INPP5D: variants seen among roughly 807,000 people sequenced by gnomAD.
INPP5D encodes phosphatidylinositol 3,4,5-trisphosphate 5-phosphatase 1.
Under a neutral mutation model 122.9 loss-of-function variants are expected in INPP5D, and 33 were observed. The observed-to-expected ratio is 0.27, with a 90% CI of 0.20 to 0.36. The LOEUF is 0.36. INPP5D is among the 10% of genes least tolerant of loss of function. The probability of loss-of-function intolerance (pLI) is 1.00; values close to 1 mark genes in which losing one functional copy is unlikely to be tolerated. For missense variants in INPP5D, 1,053 were observed against 1,412.7 expected, an observed-to-expected ratio of 0.75 and a Z score of 4.08; for synonymous variants, 584 against 576.2, an observed-to-expected ratio of 1.01 and a Z score of -0.19.
chr2:233,167,619 C>T (rs1223947626), intron 13 of INPP5D, among the ~76,000 whole-genome samples: 1 of 152,168 alleles, frequency 6.6e-6, no homozygotes, highest in African/African-American at 2.4e-5. Flanking sequence ...GGGCAGAAAG[C>T]CTGTGTACTC....
chr2:233,130,442 TC>T, intron 4 of INPP5D, 65 bp from the exon 5 acceptor site: 1 of 1,544,834 alleles, frequency 6.5e-7, no homozygotes, highest in Admixed American at 1.8e-5. Context: ...TGGTTGCTGT[TC>T]CCATTGGTGA....
intron 2 of INPP5D, among the ~76,000 whole-genome samples, chr2:233,103,624 C>T (rs916937560): frequency 2.0e-5 from 3 of 151,954 alleles, no homozygotes; most frequent in African/African-American, 7.2e-5. Flanking sequence ...GGGCAAGTCA[C>T]TTGGCCCTTC....
At chr2:233,079,784 A>G (rs926013668) in intron 2 of INPP5D, among the ~76,000 whole-genome samples, 7 of 152,186 alleles carry the variant, frequency 4.6e-5, no homozygotes, top group African/African-American at 1.7e-4. Flanking sequence ...TTACAGGAGA[A>G]CAGACCGTGT....
intron 2 of INPP5D, among the ~76,000 whole-genome samples, chr2:233,087,315 A>ATATTTATT (rs915947889): frequency 6.6e-6 from 1 of 151,508 alleles, no homozygotes; most frequent in Non-Finnish European, 1.5e-5. Flanking sequence ...ATTTTATATT[A>ATATTTATT]TATTTATTTA....
At chr2:233,130,172 G>C (rs1289644750) in intron 4 of INPP5D, among the ~76,000 whole-genome samples, 1 of 152,222 alleles carries the variant, frequency 6.6e-6, no homozygotes, top group East Asian at 1.9e-4. Context: ...TGGGATTACA[G>C]TTGTGAGCCA....
intron 2 of INPP5D, among the ~76,000 whole-genome samples, chr2:233,104,045 C>A (rs1190947563): frequency 1.0e-5 from 1 of 98,630 alleles, no homozygotes; most frequent in Admixed American, 1.2e-4. Flanking sequence ...TAGTCTTGCT[C>A]TGTCGCCCAG....
intron 1 of INPP5D, among the ~76,000 whole-genome samples, chr2:233,077,737 G>T (rs1319820000): frequency 6.7e-6 from 1 of 149,426 alleles, no homozygotes; most frequent in Non-Finnish European, 1.5e-5. Context: ...GCAGGAGCTT[G>T]TAATCCCAGT....
At chr2:233,174,055 T>C (rs1288314836) in intron 17 of INPP5D, among the ~76,000 whole-genome samples, 1 of 152,242 alleles carries the variant, frequency 6.6e-6, no homozygotes, top group Non-Finnish European at 1.5e-5. Flanking sequence ...GGCAATAACA[T>C]GGAGCTGTCG....
intron 17 of INPP5D, among the ~76,000 whole-genome samples, chr2:233,171,630 T>A (rs1478529765): frequency 6.6e-6 from 1 of 152,246 alleles, no homozygotes; most frequent in Non-Finnish European, 1.5e-5. Flanking sequence ...CCACTTGTTT[T>A]CCAAGGAACA....
intron 25 of INPP5D, among the ~76,000 whole-genome samples, chr2:233,199,395 G>C (rs970202711): frequency 4.9e-5 from 7 of 142,310 alleles, no homozygotes; most frequent in African/African-American, 1.8e-4. Context: ...AAAATGCCAG[G>C]TGTGGTGGTG....
intron 5 of INPP5D, chr2:233,133,972 G>A (rs938843148): frequency 1.8e-5 from 8 of 456,258 alleles, no homozygotes; most frequent in African/African-American, 1.0e-4. Context: ...CCCAATGGCT[G>A]GGGGCGTGCA....
intron 18 of INPP5D, among the ~76,000 whole-genome samples, chr2:233,179,319 T>C (rs1398016200): frequency 3.3e-5 from 5 of 152,242 alleles, no homozygotes; most frequent in Admixed American, 2.0e-4. Context: ...ACCCTGTCAA[T>C]ACTGTCCTTC....
At chr2:233,117,170 G>A (rs1010529567) in intron 2 of INPP5D, among the ~76,000 whole-genome samples, 1 of 152,190 alleles carries the variant, frequency 6.6e-6, no homozygotes, top group Non-Finnish European at 1.5e-5. Flanking sequence ...CTCTTTTCAG[G>A]AAGGCGGCTG....
chr2:233,144,646 A>T, intron 6 of INPP5D, among the ~76,000 whole-genome samples: 1 of 100,618 alleles, frequency 9.9e-6, no homozygotes, highest in Non-Finnish European at 2.2e-5. Context: ...TCATGGTGGG[A>T]GTGATGGGGT....
chr2:233,083,630 G>A (rs1045967083), intron 2 of INPP5D, among the ~76,000 whole-genome samples: 6 of 152,146 alleles, frequency 3.9e-5, no homozygotes, highest in African/African-American at 1.4e-4. Flanking sequence ...TAAGAGAAGC[G>A]GTGCCTATCT....
At chr2:233,175,498 G>A (rs1694597422) in intron 17 of INPP5D, among the ~76,000 whole-genome samples, 1 of 152,132 alleles carries the variant, frequency 6.6e-6, no homozygotes, top group Non-Finnish European at 1.5e-5. Context: ...GAAGGCTTAT[G>A]AGGGAAGCTT....
rs1455184422 is a variant in INPP5D at position 233,060,591 on chromosome 2, G to A, written c.113G>A (p.Arg38Gln). The change falls in exon 1 of 27, where the codon CGG becomes CAG. Residue 38 changes from arginine (R) to glutamine (Q), a missense_variant. This residue lies in a region of INPP5D where 74 missense variants were observed against 146.6 expected (regional missense o/e 0.50). Transcript: ENST00000445964. ...GTGCGTGCCAGCGAGTCCATCTCCC[G>A]GGCATACGCGCTCTGCGTGCTGTGA... is the stretch of plus-strand genomic sequence containing the variant. ...FLVRASESIS[R>Q]AYALCVLYRN... The A allele has an allele frequency of 8.7e-6, 14 of 1,614,000 alleles. No homozygotes were observed. The highest frequency in any genetic ancestry group is 2.7e-5 in the African/African-American group (2 of 75,074).
At position 233,170,411 on chromosome 2, in the gene INPP5D, C is replaced by A; in HGVS notation, c.1792-85C>A. The A allele has an allele frequency of 6.3e-7, 1 of 1,576,636 alleles. No homozygotes were observed. Among genetic ancestry groups the A allele is most frequent in the African/African-American group, 1.3e-5 (1 of 74,240 alleles). ...CCATCACTCTGCAGCCCGGGTCATC[C>A]AGCTGCCCGCCCCCAGCCCCGAAGC... On this transcript the variant is annotated intron_variant, in intron 15 of 26. Coordinates refer to ENST00000445964, the MANE Select transcript of INPP5D (RefSeq NM_001017915.3). The surrounding 1 kb of genome is among the most constrained non-coding windows in gnomAD (Gnocchi z 4.5).
chr2:233,097,446 A>G (rs1450877778), intron 2 of INPP5D, among the ~76,000 whole-genome samples: 1 of 152,238 alleles, frequency 6.6e-6, no homozygotes, highest in African/African-American at 2.4e-5. Flanking sequence ...TATAACATCA[A>G]GTCCTTCAAT....
Sources: allele counts gnomAD v4.1 joint callset (sites outside exome capture counted in the v4.1 genomes callset), GRCh38; gene constraint gnomAD v4.1.1; regional missense constraint gnomAD v4.1.1; non-coding constraint Gnocchi (gnomAD v3.1); transcripts MANE v1.5; gene names NCBI Gene and HGNC (gene_info 2026-07-23, HGNC 2026-07-21).